AGBL4: variants seen among roughly 807,000 people sequenced by gnomAD.
The protein encoded by AGBL4 is AGBL carboxypeptidase 4, also known as cytosolic carboxypeptidase 6.
Under a neutral mutation model 66.4 loss-of-function variants are expected in AGBL4, and 58 were observed. The observed-to-expected ratio is 0.87, with a 90% CI of 0.71 to 1.09. The LOEUF (loss-of-function observed/expected upper bound fraction) is 1.09, where lower values mean the gene tolerates loss of function less well. AGBL4 is among the 50% of genes least tolerant of loss of function. AGBL4 has a pLI of 0.00. For missense variants in AGBL4, 579 were observed against 631.0 expected, an observed-to-expected ratio of 0.92 and a Z score of 0.88; for synonymous variants, 234 against 222.9, an observed-to-expected ratio of 1.05 and a Z score of -0.44.
downstream of AGBL4, among the ~76,000 whole-genome samples, chr1:48,530,008 C>T (rs1329375048): frequency 1.3e-5 from 2 of 151,778 alleles, no homozygotes; most frequent in Non-Finnish European, 2.9e-5. Flanking sequence ...GTAAACTTAA[C>T]ATGCTTCCTT....
intron 2 of AGBL4, among the ~76,000 whole-genome samples, chr1:49,841,198 C>A (rs1234398650): frequency 6.6e-6 from 1 of 152,126 alleles, no homozygotes; most frequent in Non-Finnish European, 1.5e-5. Flanking sequence ...TCTCTATAAA[C>A]CAATAAGCAT....
intron 3 of AGBL4, among the ~76,000 whole-genome samples, chr1:49,392,305 G>A (rs542509267): frequency 6.6e-6 from 1 of 152,258 alleles, no homozygotes; most frequent in Admixed American, 6.5e-5. Flanking sequence ...TATTTTTGGG[G>A]GCATTAAGTA....
At chr1:49,575,235 T>A (rs2148875971) in intron 3 of AGBL4, among the ~76,000 whole-genome samples, 1 of 152,292 alleles carries the variant, frequency 6.6e-6, no homozygotes, top group South Asian at 2.1e-4. Context: ...TAGGGGCTTA[T>A]GGAGGTCACA....
intron 5 of AGBL4, among the ~76,000 whole-genome samples, chr1:48,958,422 C>A (rs1285850999): frequency 5.3e-5 from 8 of 152,076 alleles, no homozygotes; most frequent in Admixed American, 5.2e-4. Context: ...TTGTCCAGTC[C>A]CTATAACAGT....
chr1:49,915,250 T>C (rs1361198417), intron 1 of AGBL4, among the ~76,000 whole-genome samples: 1 of 151,850 alleles, frequency 6.6e-6, no homozygotes, highest in African/African-American at 2.4e-5. Flanking sequence ...GGACAGTGGG[T>C]GCAGCCCACC....
At chr1:49,337,601 C>T (rs1645463439) in intron 3 of AGBL4, among the ~76,000 whole-genome samples, 1 of 152,182 alleles carries the variant, frequency 6.6e-6, no homozygotes, top group Non-Finnish European at 1.5e-5. Flanking sequence ...ATCCTTATTT[C>T]TTATACCTGC....
chr1:48,545,145 G>A (rs1023828332), intron 11 of AGBL4, among the ~76,000 whole-genome samples: 2 of 152,148 alleles, frequency 1.3e-5, no homozygotes, highest in African/African-American at 4.8e-5. Context: ...CATACTGAGA[G>A]CCAGACTTAA....
At chr1:49,477,429 G>A (rs1263322197) in intron 3 of AGBL4, among the ~76,000 whole-genome samples, 1 of 152,064 alleles carries the variant, frequency 6.6e-6, no homozygotes, top group Non-Finnish European at 1.5e-5. Context: ...GTCTCTGCCT[G>A]GTAATCCAGA....
chr1:49,195,904 C>T (rs1308050191), intron 4 of AGBL4, among the ~76,000 whole-genome samples: 1 of 152,020 alleles, frequency 6.6e-6, no homozygotes, highest in East Asian at 1.9e-4. Flanking sequence ...GGGACAATTT[C>T]CCCCATGCTG....
chr1:48,729,137 G>A lies in AGBL4; in HGVS notation c.635-65896C>T, dbSNP rs567272889. Among the ~76,000 whole-genome samples, 66 of 152,284 alleles carry A rather than the reference G, an allele frequency of 4.3e-4. 1 individual carries two copies. In the Middle Eastern group the frequency reaches 0.017, roughly 40 times the overall value. ...TTTTTAATGCTGCCATGAGGCATGT[G>A]GGATAAACATGTTGCCTTTTTCAAG... On this transcript the variant is annotated intron_variant, in intron 6 of 13. Coordinates refer to ENST00000371839, the MANE Select transcript of AGBL4 (RefSeq NM_032785.4).
chr1:48,771,406 G>A (rs538508411), intron 6 of AGBL4, among the ~76,000 whole-genome samples: 53 of 152,232 alleles, frequency 3.5e-4, no homozygotes, highest in Admixed American at 1.2e-3. Context: ...AACTTGCCTG[G>A]GACAATTTTT....
chr1:49,180,450 C>T (rs1646910792), intron 4 of AGBL4, among the ~76,000 whole-genome samples: 1 of 152,160 alleles, frequency 6.6e-6, no homozygotes, highest in African/African-American at 2.4e-5. Context: ...TTCCAACAAC[C>T]ATTTTACAGA....
chr1:49,794,920 T>C (rs992472547), intron 2 of AGBL4, among the ~76,000 whole-genome samples: 1 of 151,984 alleles, frequency 6.6e-6, no homozygotes, highest in Non-Finnish European at 1.5e-5. Flanking sequence ...TTACGAAATA[T>C]CTGCTGGACA....
intron 11 of AGBL4, among the ~76,000 whole-genome samples, chr1:48,546,374 T>C (rs182814665): frequency 1.9e-4 from 29 of 152,334 alleles, no homozygotes; most frequent in East Asian, 3.9e-4. Flanking sequence ...TGGAAGGAGA[T>C]TGAATTCCAA....
chr1:48,802,060 C>A (rs1226403022), intron 6 of AGBL4, among the ~76,000 whole-genome samples: 1 of 152,220 alleles, frequency 6.6e-6, no homozygotes, highest in Non-Finnish European at 1.5e-5. Flanking sequence ...AAACCCTTCA[C>A]TGGCTTCCTA....
chr1:48,709,802 C>T (rs1314393379), intron 6 of AGBL4, among the ~76,000 whole-genome samples: 2 of 151,950 alleles, frequency 1.3e-5, no homozygotes, highest in East Asian at 1.9e-4. Context: ...CGGGGTTTCA[C>T]CGTGTTAGCC....
At chr1:48,858,448 T>A (rs954916666) in intron 6 of AGBL4, among the ~76,000 whole-genome samples, 2 of 152,118 alleles carry the variant, frequency 1.3e-5, no homozygotes, top group South Asian at 4.1e-4. Flanking sequence ...AACAGATGAA[T>A]GAAAAAATAA....
rs1273947494 is a variant in AGBL4, at chr1:49,949,261, A to C, written c.34+74502T>G. 2.0e-5 allele frequency among the ~76,000 whole-genome samples: 3 copies of C among 151,960 alleles called. No individual in the cohort carries two copies. The Admixed American group carries it at 2.0e-4, about 10-fold the overall frequency. ...AAATCTAAGACTTGAAACTATAAAA[A>C]TTCTAAAAAATAACATCAGAAACAC... On this transcript the variant is annotated intron_variant, in intron 1 of 13. Coordinates refer to ENST00000371839, the MANE Select transcript of AGBL4 (RefSeq NM_032785.4).
chr1:49,729,226 A>G (rs1192000022), intron 2 of AGBL4, among the ~76,000 whole-genome samples: 1 of 152,182 alleles, frequency 6.6e-6, no homozygotes, highest in African/African-American at 2.4e-5. Context: ...TTGAAATGCT[A>G]TTTTTCATCC....
Sources: allele counts gnomAD v4.1 joint callset (sites outside exome capture counted in the v4.1 genomes callset), GRCh38; gene constraint gnomAD v4.1.1; transcripts MANE v1.5; gene names NCBI Gene and HGNC (gene_info 2026-07-23, HGNC 2026-07-21).